CCDC148: variants seen among roughly 807,000 people sequenced by gnomAD.
CCDC148 encodes the protein coiled-coil domain containing 148, also known as coiled-coil domain-containing protein 148.
Under a neutral mutation model 85.7 loss-of-function variants are expected in CCDC148, and 89 were observed. That is an observed-to-expected ratio of 1.04 (90% confidence interval 0.87 to 1.24). The LOEUF (loss-of-function observed/expected upper bound fraction) is 1.24, where lower values mean the gene tolerates loss of function less well. CCDC148 is among the 50% of genes most tolerant of loss of function. The probability of loss-of-function intolerance (pLI) is 0.00; values close to 1 mark genes in which losing one functional copy is unlikely to be tolerated. For synonymous variants in CCDC148, 230 were observed against 213.9 expected, an observed-to-expected ratio of 1.08 and a Z score of -0.66; for missense variants, 692 against 671.7, an observed-to-expected ratio of 1.03 and a Z score of -0.33.
At chr2:158,340,754 G>T (rs1025534908) in intron 3 of CCDC148, 74 bp from the exon 4 acceptor site, 7 of 867,306 alleles carry the variant, frequency 8.1e-6, no homozygotes, top group Non-Finnish European at 1.2e-5. Flanking sequence ...TAACCAAAGA[G>T]ATATTTAGTC....
chr2:158,313,779 GA>G lies in CCDC148; in HGVS notation c.879del (p.Pro294LeufsTer22), dbSNP rs777644298. The G allele has an allele frequency of 4.3e-6, 7 of 1,613,676 alleles. No homozygotes were observed. In the African/African-American group the frequency reaches 5.3e-5, roughly 12 times the overall value. On this transcript the variant is annotated frameshift_variant, in exon 8 of 14. Coordinates refer to ENST00000283233, the MANE Select transcript of CCDC148 (RefSeq NM_138803.4). LOFTEE classifies it high-confidence loss of function. Reference protein sequence around the residue: ...TLYLDMLQRYFPHKSRHDLVE... With the variant: ...TLYLDMLQRYXPHKSRHDLVE... ...ACCAAATCATGCCTAGATTTGTGAG[GA>G]AAATATCTTTGTAACATGTCCAGAT...
intron 2 of CCDC148, among the ~76,000 whole-genome samples, chr2:158,355,614 T>A (rs903775764): frequency 7.5e-6 from 1 of 133,950 alleles, no homozygotes; most frequent in South Asian, 2.6e-4. Context: ...TCCATGCTCA[T>A]GGGTAGGAAG....
chr2:158,387,288 T>TTATCTATATCTA lies in CCDC148; in HGVS notation c.26-28730_26-28719dup, dbSNP rs3080062. On this transcript the variant is annotated intron_variant, in intron 1 of 13. Transcript: ENST00000283233. ...AACACAGGCCCACACATTTATATCA[T>TTATCTATATCTA]TATCTATATCTATATCTATATCTAT... Among the ~76,000 whole-genome samples, 161 of 150,580 alleles carry TTATCTATATCTA rather than the reference T, an allele frequency of 1.1e-3. 1 individual carries two copies. The highest frequency in any genetic ancestry group is 2.8e-3 in the African/African-American group (114 of 40,976).
chr2:158,253,341 C>T (rs1688875033), intron 9 of CCDC148, among the ~76,000 whole-genome samples: 1 of 151,624 alleles, frequency 6.6e-6, no homozygotes. Flanking sequence ...CGTTCCTCCT[C>T]TGCCTTCCCT....
intron 9 of CCDC148, among the ~76,000 whole-genome samples, chr2:158,281,605 T>G (rs1473774960): frequency 2.6e-5 from 4 of 152,160 alleles, no homozygotes; most frequent in South Asian, 2.1e-4. Flanking sequence ...AATAGACCAA[T>G]AACAGGAAGT....
chr2:158,356,503 G>C (rs1683644169), intron 2 of CCDC148, among the ~76,000 whole-genome samples: 3 of 152,116 alleles, frequency 2.0e-5, no homozygotes, highest in Admixed American at 2.0e-4. Flanking sequence ...CTGGCCATCA[G>C]AGAAATGCAA....
intron 1 of CCDC148, chr2:158,365,863 A>G: frequency 1.7e-6 from 1 of 583,890 alleles, no homozygotes; most frequent in Non-Finnish European, 3.0e-6. Context: ...ACACAAACCC[A>G]TTGTAAAGAA....
intron 1 of CCDC148, among the ~76,000 whole-genome samples, chr2:158,360,265 C>T (rs13385876): frequency 1.3e-5 from 2 of 152,042 alleles, no homozygotes; most frequent in Non-Finnish European, 2.9e-5. Flanking sequence ...CAAACTTAGA[C>T]GTCCCTGCCT....
intron 9 of CCDC148, among the ~76,000 whole-genome samples, chr2:158,258,899 T>C (rs1198834983): frequency 6.6e-6 from 1 of 151,762 alleles, no homozygotes; most frequent in Non-Finnish European, 1.5e-5. Flanking sequence ...CTACTGCTCA[T>C]GGGGTAATGT....
At chr2:158,371,271 C>T (rs1684429147) in intron 1 of CCDC148, among the ~76,000 whole-genome samples, 1 of 151,996 alleles carries the variant, frequency 6.6e-6, no homozygotes, top group African/African-American at 2.4e-5. Flanking sequence ...TTAAAATACA[C>T]TTGTTGCACT....
chr2:158,211,570 G>A (rs1686579745), intron 11 of CCDC148, among the ~76,000 whole-genome samples: 1 of 152,168 alleles, frequency 6.6e-6, no homozygotes, highest in Non-Finnish European at 1.5e-5. Flanking sequence ...CGAAAATCCA[G>A]TAACTCTTTA....
chr2:158,252,579 ACTGTTGACCATTG>A (rs1314668239), intron 9 of CCDC148, among the ~76,000 whole-genome samples: 2 of 151,724 alleles, frequency 1.3e-5, no homozygotes, highest in Admixed American at 6.6e-5. Context: ...GATAGTTGAC[ACTGTTGACCATTG>A]CTTTATGCTT....
At chr2:158,419,290 G>A (rs1686655152) in intron 1 of CCDC148, among the ~76,000 whole-genome samples, 1 of 152,112 alleles carries the variant, frequency 6.6e-6, no homozygotes. Context: ...AAATACTATG[G>A]AAAGGTTATA....
chr2:158,355,308 A>T (rs889772135), intron 2 of CCDC148, among the ~76,000 whole-genome samples: 4 of 151,950 alleles, frequency 2.6e-5, no homozygotes, highest in African/African-American at 9.7e-5. Flanking sequence ...TGCAGACGAC[A>T]TGATTGTTTA....
intron 1 of CCDC148, among the ~76,000 whole-genome samples, chr2:158,383,389 AAG>A (rs149535068): frequency 1.0e-3 from 154 of 152,170 alleles, no homozygotes; most frequent in African/African-American, 3.6e-3. Context: ...AAAGCAAGAT[AAG>A]AGATAGGAAT....
chr2:158,386,393 A>C (rs562424490), intron 1 of CCDC148, among the ~76,000 whole-genome samples: 6 of 152,264 alleles, frequency 3.9e-5, no homozygotes, highest in Non-Finnish European at 8.8e-5. Context: ...AAATGTTCAT[A>C]ATTAGTCTAC....
chr2:158,340,208 A>G (rs1682606055), intron 5 of CCDC148, 34 bp downstream of exon 5: 1 of 1,599,872 alleles, frequency 6.3e-7, no homozygotes, highest in South Asian at 1.1e-5. Flanking sequence ...AAAATGAAAT[A>G]TTACATTATG....
chr2:158,204,010 T>C (rs1686100475), intron 11 of CCDC148, among the ~76,000 whole-genome samples: 2 of 152,162 alleles, frequency 1.3e-5, no homozygotes. Flanking sequence ...CTAAAACAAG[T>C]GTGACTCATT....
At chr2:158,218,910 A>G (rs1391562730) in intron 11 of CCDC148, among the ~76,000 whole-genome samples, 1 of 152,226 alleles carries the variant, frequency 6.6e-6, no homozygotes, top group Non-Finnish European at 1.5e-5. Context: ...CTGGGAAATA[A>G]TGTGCATTTC....
Sources: allele counts gnomAD v4.1 joint callset (sites outside exome capture counted in the v4.1 genomes callset), GRCh38; gene constraint gnomAD v4.1.1; transcripts MANE v1.5; gene names NCBI Gene and HGNC (gene_info 2026-07-23, HGNC 2026-07-21).